ABCA10: variants seen among roughly 807,000 people sequenced by gnomAD.
ABCA10 encodes ATP binding cassette subfamily A member 10.
In ABCA10, 169 loss-of-function variants were observed where a neutral mutation model predicts 187.5. That is an observed-to-expected ratio of 0.90 (90% CI 0.80 to 1.02). ABCA10 has a LOEUF of 1.02. Ranked by LOEUF, ABCA10 falls within the 50% of genes least tolerant of loss-of-function variation. The pLI is 0.00. For missense variants in ABCA10, 1,727 were observed against 1,812.4 expected (o/e 0.95, Z 0.86); for synonymous variants, 574 against 601.8 (o/e 0.95, Z 0.68).
chr17:69,171,746 G>C (rs922488306), intron 25 of ABCA10, among the ~76,000 whole-genome samples: 1 of 152,136 alleles, frequency 6.6e-6, no homozygotes, highest in African/African-American at 2.4e-5. Flanking sequence ...CATCTGAACA[G>C]TTAAAATGTA....
chr17:69,170,017 G>C (rs887477078), intron 25 of ABCA10, among the ~76,000 whole-genome samples: 5 of 152,132 alleles, frequency 3.3e-5, no homozygotes, highest in African/African-American at 1.2e-4. Context: ...GCCGGGCACG[G>C]TGGTTCAATC....
chr17:69,218,035 G>A (rs777002824), intron 6 of ABCA10, among the ~76,000 whole-genome samples: 2 of 152,008 alleles, frequency 1.3e-5, no homozygotes, highest in African/African-American at 2.4e-5. Flanking sequence ...TAGATTAAAT[G>A]TTTGAGGTAA....
At chr17:69,184,043 C>A (rs1439007399) in intron 20 of ABCA10, among the ~76,000 whole-genome samples, 2 of 152,056 alleles carry the variant, frequency 1.3e-5, no homozygotes, top group Non-Finnish European at 2.9e-5. Flanking sequence ...GCATTGAGAC[C>A]ACTTTGCGGG....
Position 69,208,500 on chromosome 17 carries a change from A to G in ABCA10, c.1006+6204T>C, listed in dbSNP as rs562612728. On this transcript the variant is annotated intron_variant, in intron 9 of 38. Coordinates refer to ENST00000690296, the MANE Select transcript of ABCA10 (RefSeq NM_001377321.1). Reference sequence around the variant, plus strand: ...GAAAACCAAAAATTTAGTATGGCACAGAATTACAAAACAGAAAAAATTTAA... The same window carrying G: ...GAAAACCAAAAATTTAGTATGGCACGGAATTACAAAACAGAAAAAATTTAA... 9.7e-4 allele frequency among the ~76,000 whole-genome samples: 148 copies of G among 152,070 alleles called. 1 individual carries two copies. In the Middle Eastern group the frequency reaches 0.017, roughly 18 times the overall value.
chr17:69,149,840 T>G, intron 37 of ABCA10, 144 bp downstream of exon 37: 93 of 637,274 alleles, frequency 1.5e-4, no homozygotes, highest in Non-Finnish European at 1.9e-4. Context: ...TCATTTCCTT[T>G]GAGATTGTTA....
Position 69,193,265 on chromosome 17 carries a change from GT to G in ABCA10, c.1642-18del, listed in dbSNP as rs1371099527. 21 of 1,605,524 alleles carry G rather than the reference GT, an allele frequency of 1.3e-5. No individual in the cohort carries two copies. The highest frequency in any genetic ancestry group is 1.6e-5 in the Non-Finnish European group (19 of 1,177,722). On this transcript the variant is annotated intron_variant, in intron 14 of 38. Transcript: ENST00000690296. The stretch of plus-strand genomic sequence containing the variant: ...CAGCAAAACCTACAGAGGAGGAAAC[GT>G]ATGAAAGCATCTTCCTCTTCACAGT...
At chr17:69,194,310 A>G in intron 12 of ABCA10, 75 bp downstream of exon 12, 1 of 1,268,890 alleles carries the variant, frequency 7.9e-7, no homozygotes. Context: ...AATTTAGAGA[A>G]ACATTTTTTA....
intron 37 of ABCA10, among the ~76,000 whole-genome samples, chr17:69,149,732 A>G (rs2074114466): frequency 1.3e-5 from 2 of 152,004 alleles, no homozygotes; most frequent in South Asian, 2.1e-4. Flanking sequence ...CCCCAATTCA[A>G]TCCTGCAGGA....
At chr17:69,238,995 C>A (rs1170855099) in intron 1 of ABCA10, among the ~76,000 whole-genome samples, 1 of 152,240 alleles carries the variant, frequency 6.6e-6, no homozygotes. Context: ...CCATCCCCCA[C>A]AGCCTAGCTG....
intron 6 of ABCA10, among the ~76,000 whole-genome samples, chr17:69,216,978 G>A (rs962736504): frequency 6.6e-6 from 1 of 152,166 alleles, no homozygotes; most frequent in African/African-American, 2.4e-5. Context: ...CAGGCACGGT[G>A]GCTCACGCCT....
At chr17:69,149,933 G>T in intron 37 of ABCA10, 51 bp downstream of exon 37, 1 of 1,389,586 alleles carries the variant, frequency 7.2e-7, no homozygotes, top group South Asian at 1.2e-5. Context: ...TATTCCACAT[G>T]AAAATATGCA....
chr17:69,193,509 A>G lies in ABCA10; in HGVS notation c.1625T>C (p.Ile542Thr), dbSNP rs2074476906. Residue 542 changes from isoleucine to threonine, a missense_variant, in exon 14 of 39, where the codon ATC becomes ACC. Ile to Thr is a moderately conservative substitution (Grantham distance 89, BLOSUM62 -1). Coordinates refer to ENST00000690296, the MANE Select transcript of ABCA10 (RefSeq NM_001377321.1). ...QKRKLTLGIAILGDPQVLLLD... is the reference protein window; with the variant it reads ...QKRKLTLGIATLGDPQVLLLD... ...TTCTCTCACCTGAGGATCTCCTAAG[A>G]TGGCAATCCCTAGTGTTAGTTTTCT... The G allele has an allele frequency of 6.2e-7, 1 of 1,613,082 alleles. No homozygotes were observed. The highest frequency in any genetic ancestry group is 1.3e-5 in the African/African-American group (1 of 74,890).
chr17:69,182,571 C>T (rs1025735130), intron 21 of ABCA10, 104 bp downstream of exon 21: 21 of 1,339,990 alleles, frequency 1.6e-5, no homozygotes, highest in African/African-American at 3.0e-5. Context: ...AATATGATGC[C>T]AATTTAGAAA....
Position 69,185,598 on chromosome 17 carries a change from C to A in ABCA10, c.2376G>T (p.Lys792Asn), listed in dbSNP as rs2074415151. The A allele has an allele frequency of 6.2e-7, 1 of 1,612,568 alleles. No individual in the cohort carries two copies. The highest frequency in any genetic ancestry group is 1.7e-5 in the Admixed American group (1 of 59,984). The change falls in exon 20 of 39, where the codon AAG (lysine) becomes AAT (asparagine). Residue 792 changes from lysine to asparagine, a missense_variant. Transcript: ENST00000690296. ...GIAFIPIILEKIMYKVTRETH... is the reference protein window; with the variant it reads ...GIAFIPIILENIMYKVTRETH... ...TTTCACGAGTTACTTTATACATTAT[C>A]TTCTCTAGAATGATGGGGATAAAAG... is the stretch of plus-strand genomic sequence containing the variant.
chr17:69,177,993 T>TTATATA (rs72337114), intron 22 of ABCA10, among the ~76,000 whole-genome samples: 8 of 110,190 alleles, frequency 7.3e-5, no homozygotes, highest in Non-Finnish European at 1.0e-4. Flanking sequence ...TATATATATG[T>TTATATA]TATATATATA....
At chr17:69,187,378 C>G (rs190711323) in intron 19 of ABCA10, among the ~76,000 whole-genome samples, 2 of 152,102 alleles carry the variant, frequency 1.3e-5, no homozygotes, top group African/African-American at 2.4e-5. Context: ...GGACCCACCC[C>G]CTAAACCTTT....
chr17:69,233,816 T>C (rs2074846932), upstream of ABCA10: 1 of 152,208 alleles, frequency 6.6e-6, no homozygotes, highest in South Asian at 2.1e-4. Context: ...TAAGCCCAGG[T>C]TTGCTATGAG....
chr17:69,191,620 T>C (rs1421731920), intron 16 of ABCA10, among the ~76,000 whole-genome samples: 1 of 151,644 alleles, frequency 6.6e-6, no homozygotes, highest in Non-Finnish European at 1.5e-5. Context: ...CAAACACACA[T>C]ACACACATGC....
intron 28 of ABCA10, 114 bp from the exon 29 acceptor site, chr17:69,156,039 T>A: frequency 8.2e-7 from 1 of 1,214,016 alleles, no homozygotes; most frequent in South Asian, 1.8e-5. Flanking sequence ...ATCACATCAT[T>A]AATTTATTAC....
Sources: gnomAD v4.1 joint callset for allele counts (sites outside exome capture counted in the v4.1 genomes callset) on GRCh38, gnomAD v4.1.1 for gene constraint, MANE v1.5 for transcripts, NCBI Gene and HGNC (gene_info 2026-07-23, HGNC 2026-07-21) for gene names.